The following PPP1R12A variants were observed in gnomAD, a reference collection of about 807,000 sequenced individuals.
PPP1R12A encodes the protein protein phosphatase 1 regulatory subunit 12A.
In PPP1R12A, 19 loss-of-function variants were observed where a neutral mutation model predicts 139.6. The observed-to-expected ratio is 0.14, with a 90% CI of 0.09 to 0.20. The LOEUF is 0.20. PPP1R12A is among the 10% of genes least tolerant of loss of function. The probability of loss-of-function intolerance (pLI) is 1.00; values close to 1 mark genes in which losing one functional copy is unlikely to be tolerated. For synonymous variants in PPP1R12A, 427 were observed against 420.6 expected (o/e 1.02, Z -0.19); for missense variants, 925 against 1,211.5 (o/e 0.76, Z 3.51).
chr12:79,844,035 T>C (rs984161416), intron 3 of PPP1R12A, among the ~76,000 whole-genome samples: 5 of 152,052 alleles, frequency 3.3e-5, no homozygotes, highest in Non-Finnish European at 4.4e-5. Flanking sequence ...TACATATATA[T>C]ACACACACAC....
chr12:79,902,591 T>C (rs1178376448), intron 1 of PPP1R12A, among the ~76,000 whole-genome samples: 2 of 152,118 alleles, frequency 1.3e-5, no homozygotes, highest in Non-Finnish European at 2.9e-5. Flanking sequence ...ATTTTTTTAA[T>C]TTCAATTTTT....
chr12:79,797,940 G>C (rs947415702), intron 15 of PPP1R12A, among the ~76,000 whole-genome samples: 1 of 152,098 alleles, frequency 6.6e-6, no homozygotes, highest in South Asian at 2.1e-4. Context: ...CTTAACTGTG[G>C]GAAAGCAGAA....
At position 79,808,523 on chromosome 12, in the gene PPP1R12A, G is replaced by A. The variant is rs1356631664; in HGVS notation, c.1510C>T (p.Arg504Ter). The A allele has an allele frequency of 6.2e-7, 1 of 1,609,394 alleles. No individual in the cohort carries two copies. Among genetic ancestry groups the A allele is most frequent in the Non-Finnish European group, 8.5e-7 (1 of 1,176,716 alleles). ...LAYVAPTIPR[R>*]LASTSDIEEK... Reference sequence around the variant, plus strand: ...TCAATGTCAGATGTACTGGCTAGTCGTCTTGGTATTGTAGGTGCAACATAT... The same window carrying A: ...TCAATGTCAGATGTACTGGCTAGTCATCTTGGTATTGTAGGTGCAACATAT... Residue 504 changes from arginine (R) to a stop codon, truncating the protein, a stop_gained, in exon 11 of 25, where the codon CGA becomes TGA. Transcript: ENST00000450142. LOFTEE classifies it high-confidence loss of function.
Position 79,807,660 on chromosome 12 carries a change from A to G in PPP1R12A, c.1551-330T>C, listed in dbSNP as rs1321483151. Among the ~76,000 whole-genome samples the G allele has an allele frequency of 1.3e-5, 2 of 152,110 alleles. 1 individual carries two copies. The highest frequency in any genetic ancestry group is 2.9e-5 in the Non-Finnish European group (2 of 68,014). On this transcript the variant is annotated intron_variant, in intron 11 of 24. Coordinates refer to ENST00000450142, the MANE Select transcript of PPP1R12A (RefSeq NM_002480.3). Reference sequence around the variant, plus strand: ...CCGACAAAAAAAATGCTTATTAAAAATATATATTAACATAGAAGACTGCTT... The same window carrying G: ...CCGACAAAAAAAATGCTTATTAAAAGTATATATTAACATAGAAGACTGCTT...
At chr12:79,890,725 A>G (rs532161374) in intron 1 of PPP1R12A, among the ~76,000 whole-genome samples, 9 of 152,220 alleles carry the variant, frequency 5.9e-5, no homozygotes, top group African/African-American at 2.2e-4. Flanking sequence ...GCCTAGCTCA[A>G]AACCGTTTTA....
At chr12:79,804,947 G>C (rs1255333804) in intron 14 of PPP1R12A, among the ~76,000 whole-genome samples, 1 of 152,284 alleles carries the variant, frequency 6.6e-6, no homozygotes, top group Non-Finnish European at 1.5e-5. Flanking sequence ...GTACATCTAT[G>C]ATTCCATGCC....
chr12:79,921,348 G>A (rs1592837052), intron 1 of PPP1R12A, among the ~76,000 whole-genome samples: 1 of 152,012 alleles, frequency 6.6e-6, no homozygotes, highest in Admixed American at 6.6e-5. Flanking sequence ...ACACAAAAAA[G>A]AATAATAGAC....
chr12:79,919,415 C>T (rs1034967713), intron 1 of PPP1R12A, among the ~76,000 whole-genome samples: 2 of 151,766 alleles, frequency 1.3e-5, no homozygotes, highest in African/African-American at 4.8e-5. Context: ...ATTAGCCAGG[C>T]ATGGTGGTGC....
intron 2 of PPP1R12A, among the ~76,000 whole-genome samples, chr12:79,869,234 C>T (rs547350233): frequency 2.2e-4 from 33 of 152,156 alleles, no homozygotes; most frequent in Admixed American, 1.0e-3. Context: ...GCTTCTATTA[C>T]GCTACAGACC....
chr12:79,899,222 G>A (rs1171566283), intron 1 of PPP1R12A, among the ~76,000 whole-genome samples: 2 of 144,238 alleles, frequency 1.4e-5, no homozygotes, highest in African/African-American at 5.1e-5. Context: ...ATGAAATGCA[G>A]AGATCTTAAA....
chr12:79,902,102 G>C (rs1205990492), intron 1 of PPP1R12A, among the ~76,000 whole-genome samples: 1 of 152,180 alleles, frequency 6.6e-6, no homozygotes, highest in Middle Eastern at 3.2e-3. Context: ...TTAAAGATTT[G>C]AGATCTTATT....
intron 1 of PPP1R12A, among the ~76,000 whole-genome samples, chr12:79,925,083 G>A (rs977751112): frequency 3.3e-5 from 5 of 151,940 alleles, no homozygotes; most frequent in Admixed American, 2.6e-4. Context: ...TCAACACTGA[G>A]GATATTTTAA....
At chr12:79,838,980 T>A (rs1462680996) in intron 3 of PPP1R12A, among the ~76,000 whole-genome samples, 1 of 152,142 alleles carries the variant, frequency 6.6e-6, no homozygotes, top group East Asian at 1.9e-4. Flanking sequence ...CACCTTGCAC[T>A]GTGTGCCTAG....
rs1481923932 is a variant in PPP1R12A, at chr12:79,859,725, C to A, written c.368+13083G>T. On this transcript the variant is annotated intron_variant, in intron 2 of 24. Coordinates refer to ENST00000450142, the MANE Select transcript of PPP1R12A (RefSeq NM_002480.3). ...TTTGAGACCACCCCGGAAAACACAG[C>A]GAGACTCTGTCTCTACAAAAATAAA... Among the ~76,000 whole-genome samples the A allele has an allele frequency of 3.9e-5, 6 of 151,934 alleles. No individual in the cohort carries two copies. The East Asian group carries it at 1.2e-3, about 29-fold the overall frequency.
intron 13 of PPP1R12A, 62 bp from the exon 14 acceptor site, chr12:79,805,830 A>G (rs1873759357): frequency 6.8e-7 from 1 of 1,477,364 alleles, no homozygotes; most frequent in African/African-American, 1.4e-5. Context: ...CAATGAAAGC[A>G]CTTTCTAGCA....
In PPP1R12A at chr12:79,808,464, C is replaced by T. The variant is rs1031099830; in HGVS notation, c.1550+19G>A. On this transcript the variant is annotated intron_variant, in intron 11 of 24. Coordinates refer to ENST00000450142, the MANE Select transcript of PPP1R12A (RefSeq NM_002480.3). The stretch of plus-strand genomic sequence containing the variant: ...AAGATTTTATAGTGAATGCATAAAG[C>T]AAATCAAAATAAACTCACCTGTTTT... The T allele has an allele frequency of 2.6e-6, 4 of 1,516,080 alleles. No individual in the cohort carries two copies. The highest frequency in any genetic ancestry group is 3.6e-6 in the Non-Finnish European group (4 of 1,095,920). 93.9% of individuals were successfully genotyped at this position (1,516,080 alleles called of 1,614,324 possible).
chr12:79,809,890 C>T lies in PPP1R12A; in HGVS notation c.1360G>A (p.Ala454Thr). Residue 454 changes from alanine (A) to threonine (T), a missense_variant, in exon 10 of 25, where the codon GCA becomes ACA. Coordinates refer to ENST00000450142, the MANE Select transcript of PPP1R12A (RefSeq NM_002480.3). ...TTTTCTTTCTGACCCTCTTTAGATG[C>T]TGTGATTTCAGCAAGTGCACCATAG... ...GSYGALAEITASKEGQKEKDT... is the reference protein window; with the variant it reads ...GSYGALAEITTSKEGQKEKDT... 1 of 1,613,558 alleles carries T rather than the reference C, an allele frequency of 6.2e-7. No homozygotes were observed. Among genetic ancestry groups the T allele is most frequent in the South Asian group, 1.1e-5 (1 of 91,052 alleles).
chr12:79,808,428 G>A, intron 11 of PPP1R12A, 55 bp downstream of exon 11: 1 of 1,181,168 alleles, frequency 8.5e-7, no homozygotes, highest in South Asian at 1.3e-5. Context: ...TAACTCTAAT[G>A]CTAGATAATA....
intron 17 of PPP1R12A, among the ~76,000 whole-genome samples, chr12:79,796,087 A>T (rs942768625): frequency 6.6e-6 from 1 of 152,188 alleles, no homozygotes; most frequent in African/African-American, 2.4e-5. Context: ...AATGATCAAC[A>T]TGAGAAAATA....
Sources: gnomAD v4.1 joint callset for allele counts (sites outside exome capture counted in the v4.1 genomes callset) on GRCh38, gnomAD v4.1.1 for gene constraint, MANE v1.5 for transcripts, NCBI Gene and HGNC (gene_info 2026-07-23, HGNC 2026-07-21) for gene names.